SEC61A1: variants seen among roughly 807,000 people sequenced by gnomAD.
The protein encoded by SEC61A1 is protein transport protein Sec61 subunit alpha isoform 1.
SEC61A1 carries 15 observed loss-of-function variants against 55.2 expected under a neutral mutation model. That is an observed-to-expected ratio of 0.27 (90% confidence interval 0.18 to 0.42). SEC61A1 has a LOEUF of 0.42. SEC61A1 is among the 10% of genes least tolerant of loss of function. The probability of loss-of-function intolerance (pLI) is 1.00; values close to 1 mark genes in which losing one functional copy is unlikely to be tolerated. For synonymous variants in SEC61A1, 247 were observed against 234.0 expected (o/e 1.06, Z -0.51); for missense variants, 284 against 602.6 (o/e 0.47, Z 5.53).
At chr3:128,052,184 C>T (rs1941687352), upstream of SEC61A1, among the ~76,000 whole-genome samples, 1 of 152,068 alleles carries the variant, frequency 6.6e-6, no homozygotes, top group Non-Finnish European at 1.5e-5. Flanking sequence ...ACACACCCTC[C>T]CCGCGCGCTC....
Position 128,069,989 on chromosome 3 carries a change from C to T in SEC61A1, c.*327C>T, listed in dbSNP as rs1942113139. The T allele has an allele frequency of 5.1e-6, 1 of 195,188 alleles. No homozygotes were observed. The highest frequency in any genetic ancestry group is 1.0e-5 in the Non-Finnish European group (1 of 96,296). 12.1% of individuals were successfully genotyped at this position (195,188 alleles called of 1,614,324 possible). A position where few individuals can be genotyped will look rare whatever the true frequency, so the allele number is the denominator to read the frequency against. The stretch of plus-strand genomic sequence containing the variant: ...CAGTGCTGTATGCGGCTGCAGCCGT[C>T]TCACCTGTTTCCCCACAAAGGGAAT... On this transcript the variant is annotated 3_prime_UTR_variant, in exon 12 of 12. Transcript: ENST00000243253.
chr3:128,055,487 C>T (rs1941757609), intron 2 of SEC61A1, 29 bp from the exon 3 acceptor site: 1 of 1,567,282 alleles, frequency 6.4e-7, no homozygotes, highest in Non-Finnish European at 8.8e-7. Context: ...AAGTAACTCC[C>T]TGCTTCAATT....
At chr3:128,056,662 A>C in intron 4 of SEC61A1, 47 bp from the exon 5 acceptor site, 5 of 1,426,624 alleles carry the variant, frequency 3.5e-6, no homozygotes, top group Non-Finnish European at 4.6e-6. Flanking sequence ...ATAACGTACT[A>C]CGTTTCCAAG....
chr3:128,052,749 C>G, intron 1 of SEC61A1, 86 bp from the exon 2 acceptor site: 1 of 1,501,902 alleles, frequency 6.7e-7, no homozygotes, highest in Non-Finnish European at 9.2e-7. Flanking sequence ...TGCTCTCACT[C>G]GTCGTGGGCA....
intron 7 of SEC61A1, among the ~76,000 whole-genome samples, chr3:128,062,472 C>T (rs879219652): frequency 2.0e-5 from 3 of 152,176 alleles, no homozygotes; most frequent in South Asian, 4.1e-4. Flanking sequence ...AATTTGAAAC[C>T]GTGGGGAAAC....
chr3:128,060,402 C>T (rs975205133), intron 6 of SEC61A1, 106 bp from the exon 7 acceptor site: 2 of 1,281,412 alleles, frequency 1.6e-6, no homozygotes, highest in South Asian at 1.4e-5. Context: ...AGGATGTGAT[C>T]TCATTCCGTC....
intron 7 of SEC61A1, among the ~76,000 whole-genome samples, chr3:128,061,815 T>C (rs138608082): frequency 1.3e-5 from 2 of 152,256 alleles, no homozygotes; most frequent in African/African-American, 4.8e-5. Flanking sequence ...ACCATCATGG[T>C]GACTGGCTTT....
At chr3:128,065,865 CCGAGTAG>C (rs1941961084) in intron 8 of SEC61A1, among the ~76,000 whole-genome samples, 7 of 151,592 alleles carry the variant, frequency 4.6e-5, no homozygotes, top group Admixed American at 3.9e-4. Context: ...CCTCAGCCTC[CCGAGTAG>C]ATGGGATTAC....
At chr3:128,062,173 G>T (rs909596883) in intron 7 of SEC61A1, among the ~76,000 whole-genome samples, 10 of 152,238 alleles carry the variant, frequency 6.6e-5, no homozygotes, top group South Asian at 2.1e-4. Context: ...GTGTCTACAT[G>T]TCAGTTGCTC....
At chr3:128,060,257 A>AC (rs745826146) in intron 6 of SEC61A1, 46 bp downstream of exon 6, 1 of 1,358,660 alleles carries the variant, frequency 7.4e-7, no homozygotes, top group South Asian at 1.2e-5. Context: ...CCTCACACTT[A>AC]CCTACAATTC....
Position 128,052,879 on chromosome 3 carries a change from G to C in SEC61A1, c.52G>C (p.Glu18Gln), listed in dbSNP as rs1179175665. Residue 18 changes from glutamate (E) to glutamine (Q), a missense_variant, in exon 2 of 12, where the codon GAA becomes CAA. By Grantham distance (29) the Glu-to-Gln change is conservative. Transcript: ENST00000243253. ...CAAGCCCTTCTGTGTCATCCTGCCG[G>C]AAATTCAGAAGCCAGAGAGGAAGGT... ...VIKPFCVILP[E>Q]IQKPERKIQF... The C allele has an allele frequency of 6.2e-7, 1 of 1,613,104 alleles. No homozygotes were observed.
At chr3:128,064,446 G>A (rs2107647037) in intron 7 of SEC61A1, among the ~76,000 whole-genome samples, 1 of 151,702 alleles carries the variant, frequency 6.6e-6, no homozygotes, top group East Asian at 1.9e-4. Flanking sequence ...TTCGAGACCA[G>A]ACTGGGTAAC....
chr3:128,054,719 G>T (rs1452816722), intron 2 of SEC61A1, among the ~76,000 whole-genome samples: 2 of 152,182 alleles, frequency 1.3e-5, no homozygotes, highest in Admixed American at 6.5e-5. Context: ...ATTAATGTTT[G>T]TTAAGCCCTC....
chr3:128,055,063 T>C (rs939036673), intron 2 of SEC61A1, among the ~76,000 whole-genome samples: 2 of 152,230 alleles, frequency 1.3e-5, no homozygotes, highest in African/African-American at 2.4e-5. Context: ...TACTTGACTC[T>C]AGAATAACAA....
At position 128,060,165 on chromosome 3, in the gene SEC61A1, A is replaced by T; in HGVS notation, c.416A>T (p.Asp139Val). 1 of 1,614,042 alleles carries T rather than the reference A, an allele frequency of 6.2e-7. No homozygotes were observed. Among genetic ancestry groups the T allele is most frequent in the Non-Finnish European group, 8.5e-7 (1 of 1,179,944 alleles). Residue 139 changes from aspartate to valine, a missense_variant, in exon 6 of 12, where the codon GAC (aspartate) becomes GTC (valine). Coordinates refer to ENST00000243253, the MANE Select transcript of SEC61A1 (RefSeq NM_013336.4). Reference protein sequence around the residue: ...IVYVMTGMYGDPSEMGAGICL... With the variant: ...IVYVMTGMYGVPSEMGAGICL... ...TATGTGATGACCGGGATGTATGGGG[A>T]CCCTTCTGAAATGGGTGCTGGAATT...
At chr3:128,057,189 C>T (rs1241984545) in intron 5 of SEC61A1, among the ~76,000 whole-genome samples, 5 of 152,234 alleles carry the variant, frequency 3.3e-5, no homozygotes, top group African/African-American at 7.2e-5. Context: ...GCCTCGGCCT[C>T]CCAAAGTGCT....
At position 128,067,005 on chromosome 3, in the gene SEC61A1, A is replaced by G. The variant is rs775379622; in HGVS notation, c.829A>G (p.Asn277Asp). ...GTCGGCCCGCTACCGTGGCCAGTACAACACCTATCCCATCAAGCTCTTCTA... is the reference window on the plus strand; with the variant it reads ...GTCGGCCCGCTACCGTGGCCAGTACGACACCTATCCCATCAAGCTCTTCTA... ...IKSARYRGQY[N>D]TYPIKLFYTS... Residue 277 changes from asparagine (N) to aspartate (D), a missense_variant, in exon 9 of 12, where the codon AAC becomes GAC. By Grantham distance (23) the Asn-to-Asp change is conservative. Transcript: ENST00000243253. This position sits in a 1 kb window ranked among gnomAD's most constrained non-coding sequence, Gnocchi z 4.1. 6.2e-7 allele frequency: 1 copy of G among 1,614,160 alleles called. No homozygotes were observed. The highest frequency in any genetic ancestry group is 2.2e-5 in the East Asian group (1 of 44,882).
intron 1 of SEC61A1, 54 bp downstream of exon 1, chr3:128,052,613 C>T (rs1941705027): frequency 2.5e-6 from 4 of 1,571,434 alleles, no homozygotes; most frequent in African/African-American, 2.7e-5. Flanking sequence ...ATCCCCCTTC[C>T]CCACACCCGT....
At chr3:128,051,729 G>C (rs1941675699), upstream of SEC61A1, 14 of 1,474,944 alleles carry the variant, frequency 9.5e-6, no homozygotes, top group South Asian at 1.6e-4. Context: ...TCGGCACAAA[G>C]GTACTCTCCC....
Sources: allele counts gnomAD v4.1 joint callset (sites outside exome capture counted in the v4.1 genomes callset), GRCh38; gene constraint gnomAD v4.1.1; non-coding constraint Gnocchi (gnomAD v3.1); transcripts MANE v1.5; gene names NCBI Gene and HGNC (gene_info 2026-07-23, HGNC 2026-07-21).